Variants in SFXN5 observed in about 807,000 individuals in gnomAD.
SFXN5 encodes the protein sideroflexin 5.
SFXN5 carries 43 observed loss-of-function variants against 50.2 expected under a neutral mutation model. The ratio of observed to expected loss-of-function variants is 0.86; its 90% CI spans 0.67 to 1.11. The LOEUF is 1.11. Ranked by LOEUF, SFXN5 falls within the 50% of genes least tolerant of loss-of-function variation. The probability of loss-of-function intolerance (pLI) is 0.00; values close to 1 mark genes in which losing one functional copy is unlikely to be tolerated. For missense variants in SFXN5, 463 were observed against 454.1 expected, an observed-to-expected ratio of 1.02 and a Z score of -0.18; for synonymous variants, 203 against 185.8, an observed-to-expected ratio of 1.09 and a Z score of -0.75.
chr2:73,030,776 A>G (rs1678206233), intron 3 of SFXN5, among the ~76,000 whole-genome samples: 2 of 152,176 alleles, frequency 1.3e-5, no homozygotes, highest in South Asian at 2.1e-4. Context: ...TCTTTCTGCT[A>G]TTACAAATCA....
chr2:73,034,003 C>T (rs1023593542), intron 3 of SFXN5, among the ~76,000 whole-genome samples: 9 of 152,140 alleles, frequency 5.9e-5, no homozygotes, highest in African/African-American at 1.9e-4. Context: ...TCTGAGAAAC[C>T]CTGGAGCAGA....
chr2:73,047,851 T>C (rs1033385832), intron 2 of SFXN5, among the ~76,000 whole-genome samples: 3 of 152,230 alleles, frequency 2.0e-5, no homozygotes, highest in Admixed American at 1.3e-4. Context: ...ATATTCCTCT[T>C]CTAGAAATTT....
In SFXN5 at chr2:72,944,880, A is replaced by C. The variant is rs73945643; in HGVS notation, c.*142T>G. ...AATGTGAATGGGTCAGTCTCCCTCC[A>C]CTGTAGGTTGAGCACTCTCCCAGGG... On this transcript the variant is annotated 3_prime_UTR_variant, in exon 14 of 14. Transcript: ENST00000272433. 8,192 of 662,368 alleles carry C rather than the reference A, an allele frequency of 0.012. 458 individuals are homozygous for C. In the African/African-American group the frequency reaches 0.13, roughly 10 times the overall value. The allele number at this position is 662,368 out of a possible 1,614,324, so 41.0% of individuals were successfully genotyped here.
chr2:73,023,187 C>T lies in SFXN5; in HGVS notation c.276+1G>A, dbSNP rs781638224. The stretch of plus-strand genomic sequence containing the variant: ...AAATAGAGAATCCAAAACTGGATTA[C>T]CTGCTTGATTTTCTGTGCACTCCAG... On this transcript the variant is annotated splice_donor_variant, in intron 4 of 13. Coordinates refer to ENST00000272433, the MANE Select transcript of SFXN5 (RefSeq NM_144579.3). LOFTEE classifies it high-confidence loss of function. 1 of 1,602,998 alleles carries T rather than the reference C, an allele frequency of 6.2e-7. No homozygotes were observed. Among genetic ancestry groups the T allele is most frequent in the Non-Finnish European group, 8.5e-7 (1 of 1,174,130 alleles).
At chr2:73,033,410 AG>A (rs1426544164) in intron 3 of SFXN5, among the ~76,000 whole-genome samples, 2 of 152,232 alleles carry the variant, frequency 1.3e-5, no homozygotes, top group Admixed American at 6.5e-5. Flanking sequence ...TCAGGAAACT[AG>A]GGAAAATAGA....
intron 9 of SFXN5, among the ~76,000 whole-genome samples, 193 bp from the exon 10 acceptor site, chr2:72,988,541 C>T (rs1574044469): frequency 6.6e-6 from 1 of 152,126 alleles, no homozygotes; most frequent in Non-Finnish European, 1.5e-5. Context: ...AGTACCACTG[C>T]CCAGTCATCC....
chr2:72,999,055 A>C (rs1488387359), intron 8 of SFXN5, 41 bp from the exon 9 acceptor site: 3 of 1,601,982 alleles, frequency 1.9e-6, no homozygotes, highest in Admixed American at 1.7e-5. Context: ...CTGGGTGCCC[A>C]AAGCTCCCAT....
intron 12 of SFXN5, among the ~76,000 whole-genome samples, chr2:72,967,745 C>T (rs1252715942): frequency 6.6e-6 from 1 of 152,128 alleles, no homozygotes; most frequent in African/African-American, 2.4e-5. Flanking sequence ...CCCCCTCCAC[C>T]TAGGGGACCC....
At chr2:73,046,946 G>C (rs940392024) in intron 2 of SFXN5, among the ~76,000 whole-genome samples, 1 of 150,832 alleles carries the variant, frequency 6.6e-6, no homozygotes, top group African/African-American at 2.4e-5. Context: ...AAAATCTTGG[G>C]CCGGGTGCGG....
At chr2:73,030,901 G>A (rs1678219265) in intron 3 of SFXN5, among the ~76,000 whole-genome samples, 1 of 152,162 alleles carries the variant, frequency 6.6e-6, no homozygotes, top group South Asian at 2.1e-4. Flanking sequence ...GAGGGAAAGT[G>A]GGCAACTGGG....
At chr2:72,952,476 A>C (rs1247065151) in intron 13 of SFXN5, among the ~76,000 whole-genome samples, 1 of 152,150 alleles carries the variant, frequency 6.6e-6, no homozygotes, top group African/African-American at 2.4e-5. Flanking sequence ...CCTTGTGCAC[A>C]GTAGGTCCTC....
At chr2:73,023,383 G>C (rs762473674) in intron 3 of SFXN5, among the ~76,000 whole-genome samples, 169 bp from the exon 4 acceptor site, 5 of 152,136 alleles carry the variant, frequency 3.3e-5, no homozygotes, top group Non-Finnish European at 7.4e-5. Flanking sequence ...ATCCTGGGGG[G>C]GGTGACATCA....
intron 13 of SFXN5, among the ~76,000 whole-genome samples, chr2:72,956,226 G>T (rs1673072391): frequency 6.6e-6 from 1 of 152,226 alleles, no homozygotes; most frequent in Non-Finnish European, 1.5e-5. Context: ...GCATGGGCAA[G>T]AGGACTGGGG....
chr2:72,986,566 C>T lies in SFXN5; in HGVS notation c.625+1692G>A, dbSNP rs530942615. ...ATGCCCTGTGCTGGCCTGTCCCCATCGTTGTCCTTTGGCACAGATGGGGAG... is the reference window on the plus strand; with the variant it reads ...ATGCCCTGTGCTGGCCTGTCCCCATTGTTGTCCTTTGGCACAGATGGGGAG... On this transcript the variant is annotated intron_variant, in intron 10 of 13. Coordinates refer to ENST00000272433, the MANE Select transcript of SFXN5 (RefSeq NM_144579.3). Among the ~76,000 whole-genome samples, 29 of 152,308 alleles carry T rather than the reference C, an allele frequency of 1.9e-4. No homozygotes were observed. The South Asian group carries it at 3.7e-3, about 20-fold the overall frequency.
At chr2:72,964,210 G>A (rs563569556) in intron 12 of SFXN5, among the ~76,000 whole-genome samples, 10 of 152,334 alleles carry the variant, frequency 6.6e-5, no homozygotes, top group South Asian at 2.1e-4. Flanking sequence ...TTGGAGCGCA[G>A]TTTTAGTTTG....
chr2:72,968,711 CCT>C, intron 11 of SFXN5, among the ~76,000 whole-genome samples, 178 bp from the exon 12 acceptor site: 1 of 21,958 alleles, frequency 4.6e-5, no homozygotes, highest in Non-Finnish European at 8.4e-5. Context: ...TCTCCTTTTT[CCT>C]TCCTTCCTTC....
At chr2:73,035,951 G>A (rs1678919134) in intron 3 of SFXN5, among the ~76,000 whole-genome samples, 1 of 152,220 alleles carries the variant, frequency 6.6e-6, no homozygotes, top group Non-Finnish European at 1.5e-5. Flanking sequence ...GGTCAGGTTA[G>A]ATGACAAACT....
At chr2:73,002,138 T>C (rs1673995746) in intron 6 of SFXN5, among the ~76,000 whole-genome samples, 2 of 152,238 alleles carry the variant, frequency 1.3e-5, no homozygotes, top group African/African-American at 2.4e-5. Context: ...TTGTATCTGT[T>C]ATCTGTGAAT....
intron 6 of SFXN5, among the ~76,000 whole-genome samples, chr2:73,005,679 C>T (rs1674536120): frequency 6.6e-6 from 1 of 152,160 alleles, no homozygotes; most frequent in Non-Finnish European, 1.5e-5. Flanking sequence ...CACTGAACAT[C>T]GTCTCATCTC....
Sources: allele counts gnomAD v4.1 joint callset (sites outside exome capture counted in the v4.1 genomes callset), GRCh38; gene constraint gnomAD v4.1.1; transcripts MANE v1.5; gene names NCBI Gene and HGNC (gene_info 2026-07-23, HGNC 2026-07-21).